Variants in STXBP2 observed in about 807,000 individuals in gnomAD.
STXBP2 encodes syntaxin-binding protein 2.
STXBP2 carries 47 observed loss-of-function variants against 72.2 expected under a neutral mutation model. The ratio of observed to expected loss-of-function variants is 0.65; its 90% CI spans 0.51 to 0.83. The LOEUF (loss-of-function observed/expected upper bound fraction) is 0.83, where lower values mean the gene tolerates loss of function less well. Among genes scored for constraint, STXBP2 ranks in the 40% least tolerant of loss-of-function variants. The pLI is 0.00. For synonymous variants in STXBP2, 367 were observed against 338.7 expected, an observed-to-expected ratio of 1.08 and a Z score of -0.92; for missense variants, 702 against 807.6, an observed-to-expected ratio of 0.87 and a Z score of 1.58.
At chr19:7,638,693 A>G in intron 1 of STXBP2, 33 bp from the exon 2 acceptor site, 1 of 1,613,132 alleles carries the variant, frequency 6.2e-7, no homozygotes, top group South Asian at 1.1e-5. Flanking sequence ...CCAGAGAACC[A>G]GCATTCTGAC....
At position 7,642,772 on chromosome 19, in the gene STXBP2, C is replaced by T; in HGVS notation, c.909C>T (p.Val303=). Reference sequence around the variant, plus strand: ...CGCCCACCCTCATGGCCAGGAAGGTCACGGAGCTCCTGAGGACCTTCTGTG... The same window carrying T: ...CGCCCACCCTCATGGCCAGGAAGGTTACGGAGCTCCTGAGGACCTTCTGTG... ...HMHIADVSKK[V]TELLRTFCES... The change falls in exon 11 of 19, where the codon GTC becomes GTT. Residue 303 remains valine (V), a synonymous_variant. Coordinates refer to ENST00000221283, the MANE Select transcript of STXBP2 (RefSeq NM_006949.4). The surrounding 1 kb of genome is among the most constrained non-coding windows in gnomAD (Gnocchi z 6.0). 1 of 1,613,968 alleles carries T rather than the reference C, an allele frequency of 6.2e-7. No individual in the cohort carries two copies. The highest frequency in any genetic ancestry group is 1.7e-5 in the Admixed American group (1 of 60,018).
In STXBP2 at chr19:7,647,751, C is replaced by T. The variant is rs201481880; in HGVS notation, c.1723C>T (p.Arg575Cys). The T allele has an allele frequency of 9.0e-5, 145 of 1,614,132 alleles. No individual in the cohort carries two copies. The highest frequency in any genetic ancestry group is 3.3e-4 in the Middle Eastern group (2 of 6,062). The stretch of plus-strand genomic sequence containing the variant: ...CTCCTCACACATCCTCACCCCGACC[C>T]GCTTCCTGGATGACCTGAAGGCACT... ...IGSSHILTPT[R>C]FLDDLKALDK... Residue 575 changes from arginine (R) to cysteine (C), a missense_variant, in exon 19 of 19, where the codon CGC becomes TGC. Transcript: ENST00000221283.
intron 6 of STXBP2, among the ~76,000 whole-genome samples, chr19:7,641,451 T>C (rs2031871475): frequency 6.6e-6 from 1 of 152,180 alleles, no homozygotes; most frequent in South Asian, 2.1e-4. Context: ...TCTATCCCAC[T>C]AGGCCCTTGC....
rs1241981409 is a variant in STXBP2 at position 7,647,244 on chromosome 19, T to G, written c.1535T>G (p.Val512Gly). 8.1e-6 allele frequency: 13 copies of G among 1,611,072 alleles called. No homozygotes were observed. Among genetic ancestry groups the G allele is most frequent in the Non-Finnish European group, 1.1e-5 (13 of 1,179,562 alleles). ...PAPTASSQAAVSARFGHWHKN... is the reference protein window; with the variant it reads ...PAPTASSQAAGSARFGHWHKN... ...CCCACGGCCAGCTCCCAGGCCGCTGTCAGGTGAGGCCCCGGGGCCGCCCCC... is the reference window on the plus strand; with the variant it reads ...CCCACGGCCAGCTCCCAGGCCGCTGGCAGGTGAGGCCCCGGGGCCGCCCCC... The change falls in exon 17 of 19, where the codon GTC (valine) becomes GGC (glycine). Residue 512 changes from valine (V) to glycine (G), a missense_variant. Physicochemically the swap from Val to Gly is moderately radical, Grantham distance 109. Transcript: ENST00000221283.
At chr19:7,645,016 C>T (rs2032076494) in intron 14 of STXBP2, 181 bp from the exon 15 acceptor site, 1 of 1,449,300 alleles carries the variant, frequency 6.9e-7, no homozygotes, top group African/African-American at 1.4e-5. Context: ...TCTGGAGGAG[C>T]CCCTGATCTA....
chr19:7,643,339 A>T (rs1430980839), intron 13 of STXBP2, 94 bp downstream of exon 13: 56 of 977,040 alleles, frequency 5.7e-5, no homozygotes, highest in Non-Finnish European at 6.7e-5. Flanking sequence ...GTTCTGGGGG[A>T]GGGGCAGGGC....
At chr19:7,640,253 CATGT>C in intron 4 of STXBP2, 1 of 501,596 alleles carries the variant, frequency 2.0e-6, no homozygotes, top group East Asian at 5.0e-5. Flanking sequence ...TCTGTGTGTG[CATGT>C]GTGTATGCGT....
At chr19:7,641,670 G>A (rs764402818) in intron 6 of STXBP2, 35 bp from the exon 7 acceptor site, 6 of 1,549,838 alleles carry the variant, frequency 3.9e-6, no homozygotes, top group Admixed American at 3.9e-5. Context: ...CACCTGCAGC[G>A]GCAACCCTGG....
upstream of STXBP2, among the ~76,000 whole-genome samples, chr19:7,635,249 C>A (rs548233678): frequency 1.8e-4 from 27 of 152,262 alleles, no homozygotes; most frequent in African/African-American, 6.5e-4. Context: ...CTTGAGAAGA[C>A]AAAACCCAAA....
Position 7,644,677 on chromosome 19 carries a change from C to G in STXBP2, c.1171C>G (p.Pro391Ala). The G allele has an allele frequency of 6.2e-7, 1 of 1,613,778 alleles. No homozygotes were observed. Among genetic ancestry groups the G allele is most frequent in the Non-Finnish European group, 8.5e-7 (1 of 1,179,866 alleles). ...CAAGGACTCCATGAAGCTGATCGTT[C>G]CGGTGCTGCTGGACGCGGCGGTGCC... The part of the protein sequence containing the change: ...KIKDSMKLIV[P>A]VLLDAAVPAY... Residue 391 changes from proline (P) to alanine (A), a missense_variant, in exon 14 of 19, where the codon CCG becomes GCG. Coordinates refer to ENST00000221283, the MANE Select transcript of STXBP2 (RefSeq NM_006949.4).
At chr19:7,640,419 T>C (rs113770512) in intron 4 of STXBP2, 6 of 626,964 alleles carry the variant, frequency 9.6e-6, no homozygotes, top group African/African-American at 1.9e-5. Flanking sequence ...TATGTATGTG[T>C]GCGCGCGCAT....
chr19:7,645,841 C>T, intron 15 of STXBP2: 2 of 348,680 alleles, frequency 5.7e-6, no homozygotes, highest in Non-Finnish European at 5.4e-6. Flanking sequence ...CTCTCTCTCA[C>T]CCTTCTCTCT....
rs913007529 is a variant in STXBP2, at chr19:7,646,584, A to G, written c.1452+240A>G. 24 of 602,448 alleles carry G rather than the reference A, an allele frequency of 4.0e-5. 1 individual carries two copies. Among genetic ancestry groups the G allele is most frequent in the South Asian group, 3.6e-4 (20 of 55,808 alleles). 37.3% of individuals were successfully genotyped at this position (602,448 alleles called of 1,614,324 possible). A position where few individuals can be genotyped will look rare whatever the true frequency, so the allele number is the denominator to read the frequency against. On this transcript the variant is annotated intron_variant, in intron 16 of 18. Coordinates refer to ENST00000221283, the MANE Select transcript of STXBP2 (RefSeq NM_006949.4). ...TCCCCACCTGCCGGCTGCCTCCGCT[A>G]TATCTCTCTAGTCTGTTCCCCTGTC...
At position 7,643,002 on chromosome 19, in the gene STXBP2, C is replaced by T; in HGVS notation, c.980C>T (p.Ser327Phe). ...CCCCAGGCGAACATCAAAGACCTAT[C>T]CCAGATCCTGAAAAAGATGCCGCAG... is the stretch of plus-strand genomic sequence containing the variant. ...TTDKANIKDL[S>F]QILKKMPQYQ... The change falls in exon 12 of 19, where the codon TCC (serine) becomes TTC (phenylalanine). Residue 327 changes from serine to phenylalanine, a missense_variant. Transcript: ENST00000221283. The T allele has an allele frequency of 3.1e-6, 5 of 1,614,174 alleles. No individual in the cohort carries two copies. The highest frequency in any genetic ancestry group is 4.2e-6 in the Non-Finnish European group (5 of 1,180,034).
At chr19:7,639,528 T>C (rs2031701456) in intron 3 of STXBP2, 1 of 625,980 alleles carries the variant, frequency 1.6e-6, no homozygotes, top group Non-Finnish European at 2.9e-6. Flanking sequence ...TGTCTGTAAA[T>C]TTGGGGAACC....
At chr19:7,639,195 C>T (rs2031689867) in intron 3 of STXBP2, 95 bp downstream of exon 3, 1 of 1,341,014 alleles carries the variant, frequency 7.5e-7, no homozygotes, top group Non-Finnish European at 1.1e-6. Context: ...GTAGGATCCC[C>T]TCAAATCGTC....
upstream of STXBP2, among the ~76,000 whole-genome samples, chr19:7,635,546 AT>A (rs56659558): frequency 8.1e-3 from 1,213 of 149,468 alleles, 21 homozygotes; most frequent in African/African-American, 0.03. Flanking sequence ...CAACAACAAA[AT>A]CAACCGGGCA....
intron 13 of STXBP2, 41 bp downstream of exon 13, chr19:7,643,286 C>A: frequency 2.0e-6 from 3 of 1,509,176 alleles, no homozygotes; most frequent in Non-Finnish European, 1.8e-6. Context: ...ATGGTCCTGC[C>A]AAGGCGGGGT....
Position 7,647,449 on chromosome 19 carries a change from C to T in STXBP2, c.1634C>T (p.Ser545Leu), listed in dbSNP as rs1359117349. Residue 545 changes from serine (S) to leucine (L), a missense_variant, in exon 18 of 19, where the codon TCA (serine) becomes TTA (leucine). Transcript: ENST00000221283. ...IVYVMGGVAM[S>L]EMRAAYEVTR... ...TATGTCATGGGCGGTGTGGCCATGT[C>T]AGAGATGAGGGCCGCCTACGAGGTG... 2 of 1,613,266 alleles carry T rather than the reference C, an allele frequency of 1.2e-6. No homozygotes were observed. The highest frequency in any genetic ancestry group is 1.7e-6 in the Non-Finnish European group (2 of 1,179,774).
Sources: gnomAD v4.1 joint callset for allele counts (sites outside exome capture counted in the v4.1 genomes callset) on GRCh38, gnomAD v4.1.1 for gene constraint, Gnocchi (gnomAD v3.1) non-coding constraint, MANE v1.5 for transcripts, NCBI Gene and HGNC (gene_info 2026-07-23, HGNC 2026-07-21) for gene names.